FAM149A: variants seen among roughly 807,000 people sequenced by gnomAD.
FAM149A encodes protein FAM149A.
In FAM149A, 71 loss-of-function variants were observed where a neutral mutation model predicts 78.2. That is an observed-to-expected ratio of 0.91 (90% CI 0.75 to 1.11). The LOEUF is 1.11. Among genes scored for constraint, FAM149A ranks in the 50% least tolerant of loss-of-function variants. The pLI, the probability that FAM149A is intolerant of heterozygous loss-of-function variation, is 0.00. For synonymous variants in FAM149A, 446 were observed against 410.5 expected, an observed-to-expected ratio of 1.09 and a Z score of -1.04; for missense variants, 1,036 against 971.0, an observed-to-expected ratio of 1.07 and a Z score of -0.89.
At chr4:186,155,658 A>T (rs1272119304) in intron 6 of FAM149A, among the ~76,000 whole-genome samples, 2 of 152,170 alleles carry the variant, frequency 1.3e-5, no homozygotes, top group African/African-American at 2.4e-5. Context: ...TTGAGAAAAA[A>T]GACATATCTG....
At chr4:186,119,150 G>A (rs922531019) in intron 1 of FAM149A, among the ~76,000 whole-genome samples, 2 of 152,130 alleles carry the variant, frequency 1.3e-5, no homozygotes, top group South Asian at 4.1e-4. Context: ...TGGATATGCA[G>A]AATTTTACAA....
At chr4:186,154,179 A>G (rs1733840806) in intron 5 of FAM149A, among the ~76,000 whole-genome samples, 1 of 152,216 alleles carries the variant, frequency 6.6e-6, no homozygotes, top group Non-Finnish European at 1.5e-5. Context: ...ACTCTATGCC[A>G]TTCACACATA....
intron 11 of FAM149A, 42 bp downstream of exon 11, chr4:186,165,506 C>T (rs1031795291): frequency 6.2e-7 from 1 of 1,606,400 alleles, no homozygotes; most frequent in Non-Finnish European, 8.5e-7. Flanking sequence ...CATTTAGGTT[C>T]TGTATTGGAA....
At chr4:186,119,050 A>C (rs1164877120) in intron 1 of FAM149A, among the ~76,000 whole-genome samples, 3 of 152,190 alleles carry the variant, frequency 2.0e-5, no homozygotes, top group Admixed American at 6.5e-5. Flanking sequence ...ATACCATTCC[A>C]CATATCCTTC....
Position 186,163,544 on chromosome 4 carries a change from GC to G in FAM149A, c.1803del (p.Trp602GlyfsTer13). The G allele has an allele frequency of 5.0e-6, 8 of 1,614,136 alleles. No individual in the cohort carries two copies. Among genetic ancestry groups the G allele is most frequent in the Non-Finnish European group, 5.9e-6 (7 of 1,180,000 alleles). ...CACCTTCTGCAAAGAAAACACCAGT[GC>G]CCTGGAGGCTGCCTTCTCTTGCTTC... On this transcript the variant is annotated frameshift_variant, in exon 10 of 14. Coordinates refer to ENST00000389354, the MANE Select transcript of FAM149A (RefSeq NM_001367768.3). LOFTEE classifies it high-confidence loss of function.
intron 1 of FAM149A, among the ~76,000 whole-genome samples, chr4:186,110,523 TC>T (rs1171894218): frequency 7.1e-6 from 1 of 141,628 alleles, no homozygotes; most frequent in African/African-American, 2.7e-5. Context: ...TAGGTATATC[TC>T]CCAATGCTAT....
intron 8 of FAM149A, chr4:186,158,675 G>A (rs193291619): frequency 6.5e-5 from 61 of 938,688 alleles, no homozygotes; most frequent in Middle Eastern, 5.3e-4. Context: ...GCCCCTGCAC[G>A]CACTGCTGCT....
rs1239506861 is a variant in FAM149A at position 186,169,781 on chromosome 4, T to G, written c.2219-2133T>G. 3.0e-6 allele frequency: 3 copies of G among 985,296 alleles called. No individual in the cohort carries two copies. In the African/African-American group the frequency reaches 5.2e-5, roughly 17 times the overall value. The allele number at this position is 985,296 out of a possible 1,614,324, so 61.0% of individuals were successfully genotyped here. A position where few individuals can be genotyped will look rare whatever the true frequency, so the allele number is the denominator to read the frequency against. On this transcript the variant is annotated intron_variant, in intron 13 of 13. Coordinates refer to ENST00000389354, the MANE Select transcript of FAM149A (RefSeq NM_001367768.3). ...AGTTACATTAACACGTGCAATCACA[T>G]ATGGCCACTTAACTCATGTAGGACC...
intron 13 of FAM149A, among the ~76,000 whole-genome samples, chr4:186,171,436 A>T (rs1478220952): frequency 6.6e-6 from 1 of 151,982 alleles, no homozygotes; most frequent in Non-Finnish European, 1.5e-5. Context: ...CAGGCACATG[A>T]CCTCCTTGCT....
Position 186,156,130 on chromosome 4 carries a change from A to G in FAM149A, c.1360A>G (p.Thr454Ala), listed in dbSNP as rs1471098725. ...AGCAGAAGTGTTTGATCACGTCTGG[A>G]CAAATATGGTAGAACTTTTGGAAGA... is the stretch of plus-strand genomic sequence containing the variant. The change falls in exon 7 of 14, where the codon ACA becomes GCA. Residue 454 changes from threonine to alanine, a missense_variant. By Grantham distance (58) the Thr-to-Ala change is moderately conservative (BLOSUM62 0). Coordinates refer to ENST00000389354, the MANE Select transcript of FAM149A (RefSeq NM_001367768.3). The G allele has an allele frequency of 6.2e-7, 1 of 1,613,940 alleles. No individual in the cohort carries two copies. Among genetic ancestry groups the G allele is most frequent in the East Asian group, 2.2e-5 (1 of 44,864 alleles).
intron 1 of FAM149A, among the ~76,000 whole-genome samples, chr4:186,128,033 C>T (rs1323339365): frequency 1.1e-5 from 1 of 90,580 alleles, no homozygotes; most frequent in Non-Finnish European, 2.0e-5. Flanking sequence ...TTTTGTTGCC[C>T]AGGCTGGAGT....
chr4:186,172,087 C>T lies in FAM149A; in HGVS notation c.*100C>T, dbSNP rs995160860. 9 of 1,513,260 alleles carry T rather than the reference C, an allele frequency of 5.9e-6. No individual in the cohort carries two copies. Among genetic ancestry groups the T allele is most frequent in the Non-Finnish European group, 7.1e-6 (8 of 1,128,706 alleles). The allele number at this position is 1,513,260 out of a possible 1,614,324, so 93.7% of individuals were successfully genotyped here. A position where few individuals can be genotyped will look rare whatever the true frequency, so the allele number is the denominator to read the frequency against. On this transcript the variant is annotated 3_prime_UTR_variant, in exon 14 of 14. Coordinates refer to ENST00000389354, the MANE Select transcript of FAM149A (RefSeq NM_001367768.3). ...GTGTTATATTTATCTGTGTGTCTGA[C>T]AGTGTGAGATGTTAGACCGAGAGAA...
At chr4:186,163,743 A>AG in intron 10 of FAM149A, 110 bp downstream of exon 10, 2 of 787,888 alleles carry the variant, frequency 2.5e-6, no homozygotes, top group Admixed American at 2.2e-5. Context: ...AGTTTTACAT[A>AG]GATGCTTTTC....
In FAM149A at chr4:186,165,447, G is replaced by A. The variant is rs369423322; in HGVS notation, c.1993G>A (p.Gly665Arg). The A allele has an allele frequency of 1.7e-4, 279 of 1,614,030 alleles. No individual in the cohort carries two copies. Among genetic ancestry groups the A allele is most frequent in the Non-Finnish European group, 2.3e-4 (268 of 1,180,018 alleles). Residue 665 changes from glycine to arginine, a missense_variant, in exon 11 of 14, where the codon GGA (glycine) becomes AGA (arginine). Physicochemically the swap from Gly to Arg is moderately radical, Grantham distance 125 (BLOSUM62 -2). Around this residue, in one of 3 missense-constraint regions of FAM149A, gnomAD observed 716 missense variants for 711.8 expected, o/e 1.01. Transcript: ENST00000389354. ...CAGGGGGCAGAATACAGCAGTTCCT[G>A]GATGCCGCCTTGTTTCTGTAAGACA...
rs1301974662 is a variant in FAM149A at position 186,149,701 on chromosome 4, T to C, written c.786T>C (p.Asp262=). The C allele has an allele frequency of 5.5e-6, 7 of 1,279,106 alleles. No individual in the cohort carries two copies. The highest frequency in any genetic ancestry group is 5.6e-5 in the East Asian group (1 of 17,888). 79.2% of individuals were successfully genotyped at this position (1,279,106 alleles called of 1,614,324 possible). A position where few individuals can be genotyped will look rare whatever the true frequency, so the allele number is the denominator to read the frequency against. The change falls in exon 3 of 14, where the codon GAT becomes GAC. Residue 262 remains aspartate, a synonymous_variant. Transcript: ENST00000389354. ...GGGGCTCCGTTTATTCCTGGAGAGA[T>C]GACGTATGTCTCAGAATATTTTGGA...
chr4:186,156,211 G>A, intron 7 of FAM149A, 21 bp downstream of exon 7: 1 of 1,594,158 alleles, frequency 6.3e-7, no homozygotes. Context: ...GCAGAATTTA[G>A]CTTAATGAAA....
chr4:186,105,191 T>G lies in FAM149A; in HGVS notation c.115T>G (p.Ser39Ala), dbSNP rs1168984848. 7.9e-7 allele frequency: 1 copy of G among 1,272,262 alleles called. No individual in the cohort carries two copies. Among genetic ancestry groups the G allele is most frequent in the South Asian group, 1.2e-5 (1 of 80,088 alleles). The allele number at this position is 1,272,262 out of a possible 1,614,324, so 78.8% of individuals were successfully genotyped here. Residue 39 changes from serine to alanine, a missense_variant, in exon 1 of 14, where the codon TCG becomes GCG. By Grantham distance (99) the Ser-to-Ala change is moderately conservative (BLOSUM62 1). Coordinates refer to ENST00000389354, the MANE Select transcript of FAM149A (RefSeq NM_001367768.3). ...CTCGGGAGGTGCTGCCGCTGCAGGG[T>G]CGGGGGGCTCCAGGGCGGGCACCCC... is the stretch of plus-strand genomic sequence containing the variant.
At chr4:186,157,395 G>A (rs1734120831) in intron 7 of FAM149A, among the ~76,000 whole-genome samples, 170 bp from the exon 8 acceptor site, 1 of 152,186 alleles carries the variant, frequency 6.6e-6, no homozygotes, top group Admixed American at 6.5e-5. Flanking sequence ...CACAGTTCCA[G>A]CAGCCAGTTG....
rs1016505265 is a variant in FAM149A, at chr4:186,166,602, G to A, written c.2011-366G>A. Reference sequence around the variant, plus strand: ...GGAGGCCAAGGTTGCAGTGAGCCGCGATCACGCCATTGCACTCCAGCCTGG... The same window carrying A: ...GGAGGCCAAGGTTGCAGTGAGCCGCAATCACGCCATTGCACTCCAGCCTGG... On this transcript the variant is annotated intron_variant, in intron 11 of 13. Coordinates refer to ENST00000389354, the MANE Select transcript of FAM149A (RefSeq NM_001367768.3). Among the ~76,000 whole-genome samples, 19 of 138,206 alleles carry A rather than the reference G, an allele frequency of 1.4e-4. 1 individual carries two copies. Among genetic ancestry groups the A allele is most frequent in the African/African-American group, 4.2e-4 (16 of 37,722 alleles). The allele number at this position is 138,206 out of a possible 152,430, so 90.7% of individuals were successfully genotyped here. A position where few individuals can be genotyped will look rare whatever the true frequency, so the allele number is the denominator to read the frequency against.
Sources: gnomAD v4.1 joint callset for allele counts (sites outside exome capture counted in the v4.1 genomes callset) on GRCh38, gnomAD v4.1.1 for gene constraint, gnomAD v4.1.1 regional missense constraint, MANE v1.5 for transcripts, NCBI Gene and HGNC (gene_info 2026-07-23, HGNC 2026-07-21) for gene names.